The following WRNIP1 variants were observed in gnomAD, a reference collection of about 807,000 sequenced individuals.
The protein encoded by WRNIP1 is ATPase WRNIP1.
Under a neutral mutation model 56.1 loss-of-function variants are expected in WRNIP1, and 41 were observed. The observed-to-expected ratio is 0.73, with a 90% confidence interval of 0.57 to 0.95. The LOEUF is 0.95. Among genes scored for constraint, WRNIP1 ranks in the 40% least tolerant of loss-of-function variants. The pLI is 0.00. For missense variants in WRNIP1, 1,170 were observed against 939.4 expected (o/e 1.25, Z -3.21); for synonymous variants, 547 against 398.1 (o/e 1.37, Z -4.45).
Position 2,771,555 on chromosome 6 carries a change from T to C in WRNIP1, c.1256+1194T>C, listed in dbSNP as rs1486789799. 2.0e-5 allele frequency among the ~76,000 whole-genome samples: 3 copies of C among 152,316 alleles called. No individual in the cohort carries two copies. In the East Asian group the frequency reaches 5.8e-4, roughly 29 times the overall value. ...CTCCTCATATGTAGTACAGGTTGAG[T>C]ATCCCAAATCTGAAATCCAAAATGC... On this transcript the variant is annotated intron_variant, in intron 3 of 6. Coordinates refer to ENST00000380773, the MANE Select transcript of WRNIP1 (RefSeq NM_020135.3).
At chr6:2,770,013 G>A (rs1199125098) in intron 2 of WRNIP1, 107 bp from the exon 3 acceptor site, 7 of 1,503,240 alleles carry the variant, frequency 4.7e-6, no homozygotes, top group South Asian at 1.3e-5. Flanking sequence ...TCCTGAACTC[G>A]AAAGATAAAA....
intron 2 of WRNIP1, among the ~76,000 whole-genome samples, chr6:2,769,419 T>G (rs1159859509): frequency 3.3e-5 from 5 of 151,960 alleles, no homozygotes; most frequent in African/African-American, 9.7e-5. Flanking sequence ...TAAAAAAAAA[T>G]AAACATTAAA....
At chr6:2,768,646 G>A in intron 1 of WRNIP1, 45 bp from the exon 2 acceptor site, 1 of 1,526,562 alleles carries the variant, frequency 6.6e-7, no homozygotes, top group Non-Finnish European at 8.8e-7. Flanking sequence ...TGGTCTCTCT[G>A]TGTCTTACCA....
Position 2,765,763 on chromosome 6 carries a change from C to A in WRNIP1, c.141C>A (p.His47Gln), listed in dbSNP as rs1764921208. 1.4e-6 allele frequency: 2 copies of A among 1,473,104 alleles called. No homozygotes were observed. The highest frequency in any genetic ancestry group is 3.0e-5 in the East Asian group (1 of 33,642). The allele number at this position is 1,473,104 out of a possible 1,614,324, so 91.3% of individuals were successfully genotyped here. A position where few individuals can be genotyped will look rare whatever the true frequency, so the allele number is the denominator to read the frequency against. The change falls in exon 1 of 7, where the codon CAC becomes CAA. Residue 47 changes from histidine (H) to glutamine (Q), a missense_variant. His to Gln is a conservative substitution (Grantham distance 24, BLOSUM62 0). Coordinates refer to ENST00000380773, the MANE Select transcript of WRNIP1 (RefSeq NM_020135.3). ...GTCTGCTGCTCCACCCGGCGGGGCACGCGGAGCCCGCGGCCGGGTCGCACC... is the reference window on the plus strand; with the variant it reads ...GTCTGCTGCTCCACCCGGCGGGGCAAGCGGAGCCCGCGGCCGGGTCGCACC... Reference protein sequence around the residue: ...DRCLLLHPAGHAEPAAGSHRA... With the variant: ...DRCLLLHPAGQAEPAAGSHRA...
In WRNIP1 at chr6:2,766,525, G is replaced by C. The variant is rs372857316; in HGVS notation, c.822+81G>C. 49 of 1,419,638 alleles carry C rather than the reference G, an allele frequency of 3.5e-5. No homozygotes were observed. The South Asian group carries it at 5.1e-4, about 15-fold the overall frequency. The allele number at this position is 1,419,638 out of a possible 1,614,324, so 87.9% of individuals were successfully genotyped here. ...TGATGGTCGGAGAGCCGGGTGTGCT[G>C]CCCTCGAAAGAAGCCGCCTGCCTCT... On this transcript the variant is annotated intron_variant, in intron 1 of 6. Transcript: ENST00000380773.
intron 1 of WRNIP1, among the ~76,000 whole-genome samples, chr6:2,766,932 CTGG>C (rs1765035441): frequency 6.6e-6 from 1 of 152,134 alleles, no homozygotes; most frequent in African/African-American, 2.4e-5. Flanking sequence ...GTTTAACAGA[CTGG>C]TATTTATTCT....
At position 2,785,245 on chromosome 6, in the gene WRNIP1, TGAG is replaced by T; in HGVS notation, c.1963_1965del (p.Arg655del). ...GATCAGGAGTACCTGCCTGAAGAGT[TGAG>T]GGGGGTAGATTTCTTCAAGCAGAGG... On this transcript the variant is annotated inframe_deletion, in exon 7 of 7. Transcript: ENST00000380773. The T allele has an allele frequency of 1.9e-6, 3 of 1,613,944 alleles. No individual in the cohort carries two copies. Among genetic ancestry groups the T allele is most frequent in the Non-Finnish European group, 2.5e-6 (3 of 1,179,998 alleles).
At chr6:2,784,580 T>C (rs1338631828) in intron 6 of WRNIP1, among the ~76,000 whole-genome samples, 177 bp downstream of exon 6, 2 of 152,164 alleles carry the variant, frequency 1.3e-5, no homozygotes, top group South Asian at 2.1e-4. Context: ...GGAAACCTTC[T>C]GTGTCAACGA....
At chr6:2,779,612 G>C (rs1408989531) in intron 4 of WRNIP1, 120 bp downstream of exon 4, 8 of 1,044,136 alleles carry the variant, frequency 7.7e-6, no homozygotes, top group Non-Finnish European at 9.7e-6. Flanking sequence ...GAGCATTCCA[G>C]TGATTCTCAG....
Position 2,765,472 on chromosome 6 carries a change from A to G in WRNIP1, c.-151A>G, listed in dbSNP as rs1267614250. On this transcript the variant is annotated 5_prime_UTR_variant, in exon 1 of 7. The change abolishes an upstream ATG in the 5' untranslated region. Coordinates refer to ENST00000380773, the MANE Select transcript of WRNIP1 (RefSeq NM_020135.3). The stretch of plus-strand genomic sequence containing the variant: ...GACGCGGGAGCTGCGGACGTGAGGC[A>G]TGAGCGGCGCCCTCCTCCGGCCCGC... 1 of 1,005,472 alleles carries G rather than the reference A, an allele frequency of 9.9e-7. No individual in the cohort carries two copies. Among genetic ancestry groups the G allele is most frequent in the African/African-American group, 1.7e-5 (1 of 58,616 alleles). 62.3% of individuals were successfully genotyped at this position (1,005,472 alleles called of 1,614,324 possible). A position where few individuals can be genotyped will look rare whatever the true frequency, so the allele number is the denominator to read the frequency against.
In WRNIP1 at chr6:2,766,332, A is replaced by G; in HGVS notation, c.710A>G (p.Gln237Arg). 1 of 1,610,866 alleles carries G rather than the reference A, an allele frequency of 6.2e-7. No individual in the cohort carries two copies. Among genetic ancestry groups the G allele is most frequent in the Non-Finnish European group, 8.5e-7 (1 of 1,179,114 alleles). Reference protein sequence around the residue: ...LADTMRPDTLQDYFGQSKAVG... With the variant: ...LADTMRPDTLRDYFGQSKAVG... ...GACACGATGCGTCCTGACACGCTGC[A>G]GGATTACTTCGGGCAGAGCAAGGCC... Residue 237 changes from glutamine (Q) to arginine (R), a missense_variant, in exon 1 of 7, where the codon CAG becomes CGG. Physicochemically the swap from Gln to Arg is conservative, Grantham distance 43. Transcript: ENST00000380773.
chr6:2,783,635 T>C (rs1357868865), intron 5 of WRNIP1, 74 bp downstream of exon 5: 3 of 675,744 alleles, frequency 4.4e-6, no homozygotes, highest in Non-Finnish European at 5.7e-6. Flanking sequence ...ACATCGTGGC[T>C]TTTTTTTTTT....
At position 2,785,482 on chromosome 6, in the gene WRNIP1, G is replaced by GT; in HGVS notation, c.*201dup. 1.7e-6 allele frequency: 1 copy of GT among 604,742 alleles called. No individual in the cohort carries two copies. The highest frequency in any genetic ancestry group is 2.9e-6 in the Non-Finnish European group (1 of 347,988). The allele number at this position is 604,742 out of a possible 1,614,324, so 37.5% of individuals were successfully genotyped here. A position where few individuals can be genotyped will look rare whatever the true frequency, so the allele number is the denominator to read the frequency against. On this transcript the variant is annotated 3_prime_UTR_variant, in exon 7 of 7. Transcript: ENST00000380773. Reference sequence around the variant, plus strand: ...TTGAAATTGTGTTCATTTGCACTCGGTGCAGCGGTTATGCTTATGAAAATA... The same window carrying GT: ...TTGAAATTGTGTTCATTTGCACTCGGTTGCAGCGGTTATGCTTATGAAAATA...
At position 2,765,435 on chromosome 6, in the gene WRNIP1, C is replaced by T. The variant is rs896911738; in HGVS notation, c.-188C>T. Reference sequence around the variant, plus strand: ...GCGTGAGGCGCTGCCAGCGGCCGGCCGAGGGCGGGCGGACGCGGGAGCTGC... The same window carrying T: ...GCGTGAGGCGCTGCCAGCGGCCGGCTGAGGGCGGGCGGACGCGGGAGCTGC... On this transcript the variant is annotated 5_prime_UTR_variant, in exon 1 of 7. Coordinates refer to ENST00000380773, the MANE Select transcript of WRNIP1 (RefSeq NM_020135.3). 7 of 620,990 alleles carry T rather than the reference C, an allele frequency of 1.1e-5. No individual in the cohort carries two copies. The highest frequency in any genetic ancestry group is 1.6e-5 in the Non-Finnish European group (7 of 444,758). 38.5% of individuals were successfully genotyped at this position (620,990 alleles called of 1,614,324 possible).
In WRNIP1 at chr6:2,785,316, T is replaced by G. The variant is rs770436941; in HGVS notation, c.*34T>G. ...GGCACGACAGCAGAAGGATGTTGCT[T>G]TTTTAAGGGAGGGCCAGAAAGAAAG... On this transcript the variant is annotated 3_prime_UTR_variant, in exon 7 of 7. Transcript: ENST00000380773. 5.6e-6 allele frequency: 9 copies of G among 1,596,942 alleles called. No individual in the cohort carries two copies. Among genetic ancestry groups the G allele is most frequent in the Non-Finnish European group, 7.7e-6 (9 of 1,169,326 alleles).
At chr6:2,774,269 A>T (rs1281110819) in intron 3 of WRNIP1, 26 of 985,322 alleles carry the variant, frequency 2.6e-5, no homozygotes, top group Non-Finnish European at 3.1e-5. Flanking sequence ...TGGTCCTTGG[A>T]TGCACTTCCT....
At position 2,768,837 on chromosome 6, in the gene WRNIP1, C is replaced by A; in HGVS notation, c.969C>A (p.Thr323=). Residue 323 remains threonine, a synonymous_variant, in exon 2 of 7, where the codon ACC becomes ACA. Transcript: ENST00000380773. ...QNEKSFFKRK[T]ILFIDEIHRF... is the part of the protein sequence containing the mutation. ...AAAAGAGCTTTTTCAAAAGGAAAAC[C>A]ATCCTTTTTATTGATGAGATTCATC... 1 of 1,613,320 alleles carries A rather than the reference C, an allele frequency of 6.2e-7. No homozygotes were observed. Among genetic ancestry groups the A allele is most frequent in the Non-Finnish European group, 8.5e-7 (1 of 1,179,646 alleles).
At chr6:2,775,961 C>T (rs2113471637) in intron 3 of WRNIP1, among the ~76,000 whole-genome samples, 1 of 152,190 alleles carries the variant, frequency 6.6e-6, no homozygotes, top group South Asian at 2.1e-4. Context: ...TTGTATTCTA[C>T]CTTTGGAAGG....
chr6:2,770,223 G>A lies in WRNIP1; in HGVS notation c.1118G>A (p.Arg373Gln), dbSNP rs766200481. Reference sequence around the variant, plus strand: ...AACGCTGCTCTTCTGAGCCGCTGTCGAGTGATTGTTCTTGAGAAGCTTCCA... The same window carrying A: ...AACGCTGCTCTTCTGAGCCGCTGTCAAGTGATTGTTCTTGAGAAGCTTCCA... ...QVNAALLSRC[R>Q]VIVLEKLPVE... is the part of the protein sequence containing the mutation. Residue 373 changes from arginine (R) to glutamine (Q), a missense_variant, in exon 3 of 7, where the codon CGA becomes CAA. Physicochemically the swap from Arg to Gln is conservative, Grantham distance 43. Coordinates refer to ENST00000380773, the MANE Select transcript of WRNIP1 (RefSeq NM_020135.3). The A allele has an allele frequency of 5.6e-6, 9 of 1,614,050 alleles. No individual in the cohort carries two copies. The highest frequency in any genetic ancestry group is 4.4e-5 in the South Asian group (4 of 91,074).
Sources: allele counts gnomAD v4.1 joint callset (sites outside exome capture counted in the v4.1 genomes callset), GRCh38; gene constraint gnomAD v4.1.1; transcripts MANE v1.5; gene names NCBI Gene and HGNC (gene_info 2026-07-23, HGNC 2026-07-21).